LINGO1: variants seen among roughly 807,000 people sequenced by gnomAD.
LINGO1 encodes the protein leucine-rich repeat and immunoglobulin-like domain-containing nogo receptor-interacting protein 1.
LINGO1 carries 11 observed loss-of-function variants against 37.3 expected under a neutral mutation model. The ratio of observed to expected loss-of-function variants is 0.29; its 90% CI spans 0.19 to 0.49. The LOEUF (loss-of-function observed/expected upper bound fraction) is 0.49. LINGO1 is among the 20% of genes least tolerant of loss of function. LINGO1 has a pLI of 0.99. For missense variants in LINGO1, 585 were observed against 878.2 expected (o/e 0.67, Z 4.22); for synonymous variants, 387 against 403.0 (o/e 0.96, Z 0.48).
rs2073655063 is a variant in LINGO1, at chr15:77,615,027, G to T, written c.880C>A (p.Leu294Ile). ...RHLVYLRFLN[L>I]SYNPISTIEG... The stretch of plus-strand genomic sequence containing the variant: ...ATGGTGCTGATGGGGTTGTAGGAGA[G>T]GTTGAGGAAGCGGAGATAGACTAGG... Residue 294 changes from leucine (L) to isoleucine (I), a missense_variant, in exon 2 of 2, where the codon CTC becomes ATC. Physicochemically the swap from Leu to Ile is conservative, Grantham distance 5. This residue lies in a region of LINGO1 where 484 missense variants were observed against 735.0 expected (regional missense o/e 0.66). Transcript: ENST00000355300. 1 of 1,613,942 alleles carries T rather than the reference G, an allele frequency of 6.2e-7. No homozygotes were observed. Among genetic ancestry groups the T allele is most frequent in the Non-Finnish European group, 8.5e-7 (1 of 1,179,908 alleles).
intron 1 of LINGO1, among the ~76,000 whole-genome samples, chr15:77,630,935 G>C (rs935299506): frequency 6.6e-6 from 1 of 152,166 alleles, no homozygotes. Context: ...AAGCAGGAAG[G>C]ACAGGCATGC....
In LINGO1 at chr15:77,801,407, G is replaced by A. The variant is rs1041930407; in HGVS notation, c.-457-5354C>T. ...AAGCTGTAAAATGCTATTTCAGCAT[G>A]AGCCCATTTCTGTAATTAACGATTT... On this transcript the variant is annotated intron_variant, in intron 1 of 5. Transcript: ENST00000562933. 3.3e-5 allele frequency among the ~76,000 whole-genome samples: 5 copies of A among 152,294 alleles called. 1 individual carries two copies. Among genetic ancestry groups the A allele is most frequent in the Middle Eastern group, 6.8e-3 (2 of 294 alleles).
intron 1 of LINGO1, among the ~76,000 whole-genome samples, chr15:77,806,768 G>A (rs750576514): frequency 4.6e-5 from 7 of 152,006 alleles, no homozygotes; most frequent in East Asian, 1.9e-4. Context: ...GGAGGTGAGC[G>A]CCAGGATCTG....
chr15:77,758,207 G>C (rs1293971016), intron 1 of LINGO1, among the ~76,000 whole-genome samples: 1 of 152,196 alleles, frequency 6.6e-6, no homozygotes, highest in African/African-American at 2.4e-5. Context: ...GTCTTAGCCA[G>C]GCTCCCCTCT....
intron 1 of LINGO1, among the ~76,000 whole-genome samples, chr15:77,624,205 C>CTGTGTG (rs1294049106): frequency 1.4e-5 from 2 of 141,416 alleles, no homozygotes; most frequent in African/African-American, 5.3e-5. Flanking sequence ...TGTGTGGCCT[C>CTGTGTG]TGTGTGTGTG....
At chr15:77,765,705 G>A (rs2076521211) in intron 1 of LINGO1, among the ~76,000 whole-genome samples, 1 of 152,138 alleles carries the variant, frequency 6.6e-6, no homozygotes, top group Non-Finnish European at 1.5e-5. Context: ...GACCCATACT[G>A]AAAACTGAAG....
intron 1 of LINGO1, chr15:77,819,285 C>G (rs916021821): frequency 2.3e-4 from 34 of 150,124 alleles, no homozygotes; most frequent in African/African-American, 8.0e-4. Context: ...CCGGGCGCGC[C>G]GTCCGCGCGC....
At chr15:77,731,994 C>T (rs185915506) in intron 2 of LINGO1, among the ~76,000 whole-genome samples, 1 of 152,322 alleles carries the variant, frequency 6.6e-6, no homozygotes, top group East Asian at 1.9e-4. Flanking sequence ...GCTGCCCACC[C>T]CAGCAGCCAC....
At chr15:77,642,378 A>G (rs968626112) in intron 3 of LINGO1, among the ~76,000 whole-genome samples, 30 of 152,212 alleles carry the variant, frequency 2.0e-4, no homozygotes, top group African/African-American at 7.0e-4. Context: ...GAGAGGCCCC[A>G]TGGTGTGGGG....
At chr15:77,696,437 GCAAGTCCC>G (rs1244058492) in exon 1 of LINGO1, 1 of 152,410 alleles carries the variant, frequency 6.6e-6, no homozygotes, top group Non-Finnish European at 1.5e-5. Context: ...GTGACCCCGG[GCAAGTCCC>G]TGAGCCTCTT....
At chr15:77,774,153 T>C (rs1457110400) in intron 1 of LINGO1, among the ~76,000 whole-genome samples, 1 of 152,004 alleles carries the variant, frequency 6.6e-6, no homozygotes, top group African/African-American at 2.4e-5. Flanking sequence ...CCTATACCTC[T>C]CCCAGGTGTG....
intron 2 of LINGO1, among the ~76,000 whole-genome samples, chr15:77,688,235 C>G (rs532658764): frequency 1.3e-5 from 2 of 152,378 alleles, no homozygotes; most frequent in East Asian, 1.9e-4. Flanking sequence ...AGCCTCCCAA[C>G]AGCCCAGCCA....
intron 3 of LINGO1, among the ~76,000 whole-genome samples, chr15:77,668,645 T>C (rs1468744819): frequency 1.3e-5 from 2 of 151,998 alleles, no homozygotes; most frequent in African/African-American, 4.8e-5. Context: ...GGCAAGTTCA[T>C]GACAGTGTGC....
chr15:77,804,985 C>T (rs369731610), intron 1 of LINGO1, among the ~76,000 whole-genome samples: 190 of 152,322 alleles, frequency 1.2e-3, no homozygotes, highest in Admixed American at 2.3e-3. Context: ...GCCCACCCCC[C>T]CAACTGCTCC....
intron 1 of LINGO1, among the ~76,000 whole-genome samples, chr15:77,796,910 C>T (rs2076878528): frequency 6.6e-6 from 1 of 152,192 alleles, no homozygotes; most frequent in Admixed American, 6.5e-5. Flanking sequence ...CTATGTTGCC[C>T]AGGCTGGTCT....
At chr15:77,791,645 G>A (rs2076819576), upstream of LINGO1, among the ~76,000 whole-genome samples, 1 of 152,058 alleles carries the variant, frequency 6.6e-6, no homozygotes, top group African/African-American at 2.4e-5. Flanking sequence ...TGACCTGGAG[G>A]AAGGCCTGCA....
At chr15:77,710,258 C>T (rs572510023) in intron 2 of LINGO1, among the ~76,000 whole-genome samples, 1 of 152,338 alleles carries the variant, frequency 6.6e-6, no homozygotes, top group African/African-American at 2.4e-5. Flanking sequence ...GCTCCGACAC[C>T]AAATGAAGCA....
Position 77,615,800 on chromosome 15 carries a change from G to A in LINGO1, c.107C>T (p.Ser36Leu). 1 of 1,562,616 alleles carries A rather than the reference G, an allele frequency of 6.4e-7. No homozygotes were observed. The highest frequency in any genetic ancestry group is 1.2e-5 in the South Asian group (1 of 84,694). ...GGGCGGGCAGCCCGTGGCCGAGCCTGACAGCACTGAGCCCAGCACCAGCAG... is the reference window on the plus strand; with the variant it reads ...GGGCGGGCAGCCCGTGGCCGAGCCTAACAGCACTGAGCCCAGCACCAGCAG... ...ILLLVLGSVL[S>L]GSATGCPPRC... is the part of the protein sequence containing the mutation. Residue 36 changes from serine (S) to leucine (L), a missense_variant, in exon 2 of 2, where the codon TCA becomes TTA. By Grantham distance (145) the Ser-to-Leu change is moderately radical. Around this residue, in one of 4 missense-constraint regions of LINGO1, gnomAD observed 65 missense variants for 57.0 expected, o/e 1.14. Coordinates refer to ENST00000355300, the MANE Select transcript of LINGO1 (RefSeq NM_032808.7).
intron 1 of LINGO1, among the ~76,000 whole-genome samples, chr15:77,625,518 T>C (rs1286737895): frequency 1.3e-5 from 2 of 152,198 alleles, no homozygotes; most frequent in East Asian, 3.9e-4. Flanking sequence ...ATCACTTCCC[T>C]ATAGTGCCTC....
Sources: allele counts gnomAD v4.1 joint callset (sites outside exome capture counted in the v4.1 genomes callset), GRCh38; gene constraint gnomAD v4.1.1; regional missense constraint gnomAD v4.1.1; transcripts MANE v1.5; gene names NCBI Gene and HGNC (gene_info 2026-07-23, HGNC 2026-07-21).